The following PCDH9 variants were observed in gnomAD, a reference collection of about 807,000 sequenced individuals.
PCDH9 encodes the protein protocadherin-9.
A neutral mutation model predicts 70.6 loss-of-function variants in PCDH9; 24 were observed. The observed-to-expected ratio is 0.34, with a 90% CI of 0.25 to 0.48. The LOEUF (loss-of-function observed/expected upper bound fraction) is 0.48, where lower values mean the gene tolerates loss of function less well. PCDH9 is among the 20% of genes least tolerant of loss of function. PCDH9 has a pLI of 0.99. For synonymous variants in PCDH9, 562 were observed against 558.5 expected, an observed-to-expected ratio of 1.01 and a Z score of -0.09; for missense variants, 1,281 against 1,503.6, an observed-to-expected ratio of 0.85 and a Z score of 2.45.
intron 4 of PCDH9, among the ~76,000 whole-genome samples, chr13:66,365,557 T>G (rs1026758872): frequency 1.3e-5 from 2 of 152,216 alleles, no homozygotes; most frequent in African/African-American, 4.8e-5. Flanking sequence ...ACTGCTGTGT[T>G]AAATGATAAT....
intron 3 of PCDH9, among the ~76,000 whole-genome samples, chr13:66,842,623 A>T (rs1261986330): frequency 3.9e-5 from 6 of 152,216 alleles, no homozygotes; most frequent in Non-Finnish European, 7.3e-5. Flanking sequence ...AATTACTTCC[A>T]ATTTGTGAAT....
chr13:67,051,343 A>C, intron 2 of PCDH9, among the ~76,000 whole-genome samples: 1 of 151,600 alleles, frequency 6.6e-6, no homozygotes, highest in Admixed American at 6.6e-5. Flanking sequence ...ATCTGAAGTA[A>C]GAATTCAAAA....
chr13:66,398,648 G>C (rs1257901482), intron 4 of PCDH9, among the ~76,000 whole-genome samples: 1 of 152,056 alleles, frequency 6.6e-6, no homozygotes, highest in Non-Finnish European at 1.5e-5. Context: ...TAGCATTTTA[G>C]TACCTATTTA....
At chr13:66,536,251 C>A (rs930925510) in intron 4 of PCDH9, among the ~76,000 whole-genome samples, 1 of 152,016 alleles carries the variant, frequency 6.6e-6, no homozygotes, top group African/African-American at 2.4e-5. Context: ...TCAGGGAGTA[C>A]AACAGCTGAA....
intron 3 of PCDH9, among the ~76,000 whole-genome samples, chr13:66,857,140 G>T (rs1247489932): frequency 6.6e-6 from 1 of 151,582 alleles, no homozygotes; most frequent in Non-Finnish European, 1.5e-5. Flanking sequence ...AATTTCTCTA[G>T]CCATGATGCT....
chr13:67,122,188 G>A (rs892364066), intron 2 of PCDH9, among the ~76,000 whole-genome samples: 1 of 152,112 alleles, frequency 6.6e-6, no homozygotes, highest in Non-Finnish European at 1.5e-5. Flanking sequence ...CCTGAGAAAG[G>A]AAACAATATC....
At chr13:66,791,737 C>T (rs1049665975) in intron 3 of PCDH9, among the ~76,000 whole-genome samples, 8 of 151,982 alleles carry the variant, frequency 5.3e-5, no homozygotes, top group African/African-American at 1.9e-4. Context: ...TGGAAAAAAT[C>T]GCAATTACTT....
intron 2 of PCDH9, among the ~76,000 whole-genome samples, chr13:67,050,021 T>C (rs369151345): frequency 6.6e-6 from 1 of 152,180 alleles, no homozygotes; most frequent in South Asian, 2.1e-4. Flanking sequence ...TGACCTTAAA[T>C]GTTTCTCACA....
At chr13:66,405,268 A>G (rs1017521420) in intron 4 of PCDH9, among the ~76,000 whole-genome samples, 3 of 152,300 alleles carry the variant, frequency 2.0e-5, no homozygotes, top group African/African-American at 7.2e-5. Flanking sequence ...AAAAGATTTA[A>G]CCTAGCACCA....
intron 4 of PCDH9, among the ~76,000 whole-genome samples, chr13:66,427,700 T>A (rs73507999): frequency 0.079 from 11,949 of 151,766 alleles, 553 homozygotes; most frequent in Middle Eastern, 0.12. Context: ...GGCTCATCAA[T>A]AATTGAAAGT....
intron 4 of PCDH9, among the ~76,000 whole-genome samples, chr13:66,349,686 C>A (rs1169784685): frequency 6.6e-6 from 1 of 152,104 alleles, no homozygotes; most frequent in Non-Finnish European, 1.5e-5. Flanking sequence ...GCGGTGCTAC[C>A]TTTACCTGGC....
chr13:66,948,534 G>GA (rs34932446), intron 2 of PCDH9, among the ~76,000 whole-genome samples: 19,531 of 147,604 alleles, frequency 0.13, 1,631 homozygotes, highest in East Asian at 0.38. Context: ...TAGTGATACA[G>GA]AAAAAAAAAA....
intron 3 of PCDH9, among the ~76,000 whole-genome samples, chr13:66,863,612 A>C (rs2081520640): frequency 6.6e-6 from 1 of 152,008 alleles, no homozygotes; most frequent in Non-Finnish European, 1.5e-5. Context: ...CAGCCTCCCA[A>C]GTAGCTAGGA....
intron 3 of PCDH9, among the ~76,000 whole-genome samples, chr13:66,681,678 C>T (rs940205739): frequency 2.6e-5 from 4 of 152,034 alleles, no homozygotes; most frequent in African/African-American, 9.7e-5. Flanking sequence ...CTTTTATCAT[C>T]CAAGTCTCAT....
intron 4 of PCDH9, among the ~76,000 whole-genome samples, chr13:66,426,428 A>G (rs1371533041): frequency 7.8e-6 from 1 of 128,684 alleles, no homozygotes; most frequent in Non-Finnish European, 1.7e-5. Context: ...TTATTGGCCT[A>G]TCTATTTTGT....
At chr13:66,439,161 C>T (rs914762406) in intron 4 of PCDH9, among the ~76,000 whole-genome samples, 1 of 152,088 alleles carries the variant, frequency 6.6e-6, no homozygotes, top group Non-Finnish European at 1.5e-5. Flanking sequence ...TCCTATTGCC[C>T]GTTTCTAGCC....
chr13:66,554,839 T>C (rs1389368520), intron 4 of PCDH9, among the ~76,000 whole-genome samples: 1 of 152,100 alleles, frequency 6.6e-6, no homozygotes, highest in East Asian at 1.9e-4. Flanking sequence ...AAGAACATAA[T>C]ATACAATATA....
At chr13:66,613,088 G>A (rs755222652) in intron 4 of PCDH9, among the ~76,000 whole-genome samples, 1 of 152,030 alleles carries the variant, frequency 6.6e-6, no homozygotes. Flanking sequence ...CACCCCAGTC[G>A]CTCCTGGGCC....
chr13:66,649,018 C>CA (rs1444993990), intron 3 of PCDH9, among the ~76,000 whole-genome samples: 1 of 151,464 alleles, frequency 6.6e-6, no homozygotes, highest in Non-Finnish European at 1.5e-5. Flanking sequence ...TCAGAAGAGA[C>CA]AAAAAACGAA....
Sources: gnomAD v4.1 joint callset for allele counts (sites outside exome capture counted in the v4.1 genomes callset) on GRCh38, gnomAD v4.1.1 for gene constraint, MANE v1.5 for transcripts, NCBI Gene and HGNC (gene_info 2026-07-23, HGNC 2026-07-21) for gene names.